Variants in NLGN1 observed in about 807,000 individuals in gnomAD.
NLGN1 encodes the protein neuroligin-1.
In NLGN1, 12 loss-of-function variants were observed where a neutral mutation model predicts 65.5. The observed-to-expected ratio is 0.18, with a 90% CI of 0.12 to 0.30. The LOEUF (loss-of-function observed/expected upper bound fraction) is 0.30, where lower values mean the gene tolerates loss of function less well. Ranked by LOEUF, NLGN1 falls within the 10% of genes least tolerant of loss-of-function variation. The probability of loss-of-function intolerance (pLI) is 1.00; values close to 1 mark genes in which losing one functional copy is unlikely to be tolerated. For missense variants in NLGN1, 750 were observed against 1,007.1 expected (o/e 0.74, Z 3.46); for synonymous variants, 350 against 359.5 (o/e 0.97, Z 0.30).
At chr3:173,923,407 C>T (rs1405594186) in intron 4 of NLGN1, among the ~76,000 whole-genome samples, 1 of 152,054 alleles carries the variant, frequency 6.6e-6, no homozygotes, top group East Asian at 1.9e-4. Flanking sequence ...AATGAATTGG[C>T]CAGAATGAAT....
chr3:173,510,965 G>A lies in NLGN1; in HGVS notation c.-321+75887G>A, dbSNP rs112983401. Reference sequence around the variant, plus strand: ...TCATACTGACTTATCTTAAATCTAGGAACCAATTCTAGCACGGACAAATGT... The same window carrying A: ...TCATACTGACTTATCTTAAATCTAGAAACCAATTCTAGCACGGACAAATGT... On this transcript the variant is annotated intron_variant, in intron 2 of 6. Coordinates refer to ENST00000457714, the Ensembl canonical transcript of NLGN1. Among the ~76,000 whole-genome samples, 788 of 152,240 alleles carry A rather than the reference G, an allele frequency of 5.2e-3. 4 individuals are homozygous for A. The highest frequency in any genetic ancestry group is 0.018 in the African/African-American group (764 of 41,540).
intron 1 of NLGN1, among the ~76,000 whole-genome samples, chr3:173,410,727 A>C (rs892190991): frequency 3.9e-5 from 6 of 152,204 alleles, no homozygotes; most frequent in Admixed American, 3.9e-4. Context: ...TACATGTTTA[A>C]ATCTCTTAAT....
intron 2 of NLGN1, among the ~76,000 whole-genome samples, chr3:173,529,976 T>TTTTTTTTTTTTTTTG (rs1409862697): frequency 6.6e-6 from 1 of 151,738 alleles, no homozygotes; most frequent in African/African-American, 2.4e-5. Flanking sequence ...CTTTTTTTTT[T>TTTTTTTTTTTTTTTG]AGATAGAGTC....
intron 4 of NLGN1, among the ~76,000 whole-genome samples, chr3:173,820,473 C>T (rs1326921479): frequency 6.6e-6 from 1 of 152,112 alleles, no homozygotes; most frequent in Non-Finnish European, 1.5e-5. Flanking sequence ...ATGCAGTAAT[C>T]CCCCCTTATC....
At chr3:174,048,914 A>G (rs986126692) in intron 4 of NLGN1, among the ~76,000 whole-genome samples, 1 of 152,048 alleles carries the variant, frequency 6.6e-6, no homozygotes, top group Non-Finnish European at 1.5e-5. Context: ...AAACTATATT[A>G]TGGGAACAAA....
chr3:173,402,661 A>T (rs542519679), intron 1 of NLGN1, among the ~76,000 whole-genome samples: 2 of 152,260 alleles, frequency 1.3e-5, no homozygotes, highest in South Asian at 4.1e-4. Flanking sequence ...ACAGAGCCAA[A>T]CATCACCTCT....
chr3:173,695,918 C>A (rs1766148858), intron 3 of NLGN1, among the ~76,000 whole-genome samples: 1 of 152,170 alleles, frequency 6.6e-6, no homozygotes, highest in African/African-American at 2.4e-5. Flanking sequence ...TTAAGCAGAT[C>A]CTCCAATGTC....
chr3:173,967,667 A>G (rs1715187868), intron 4 of NLGN1, among the ~76,000 whole-genome samples: 2 of 152,120 alleles, frequency 1.3e-5, no homozygotes, highest in African/African-American at 2.4e-5. Flanking sequence ...AAGGTCTACT[A>G]TGATTCTCAA....
chr3:173,890,588 G>A (rs1417297793), intron 4 of NLGN1, among the ~76,000 whole-genome samples: 1 of 152,164 alleles, frequency 6.6e-6, no homozygotes, highest in African/African-American at 2.4e-5. Context: ...AATACAAGGA[G>A]ATAGCATTGA....
At chr3:173,683,783 A>G (rs1325775604) in intron 3 of NLGN1, among the ~76,000 whole-genome samples, 1 of 152,176 alleles carries the variant, frequency 6.6e-6, no homozygotes, top group African/African-American at 2.4e-5. Flanking sequence ...TGGGTCAGGT[A>G]TAGTGCTTCG....
chr3:174,260,555 G>T (rs1379820607), intron 4 of NLGN1, among the ~76,000 whole-genome samples: 1 of 146,968 alleles, frequency 6.8e-6, no homozygotes, highest in Non-Finnish European at 1.5e-5. Context: ...TTGTAAATTT[G>T]TTTGAGTTCA....
chr3:173,732,947 G>A (rs1178837060), intron 3 of NLGN1, among the ~76,000 whole-genome samples: 2 of 152,010 alleles, frequency 1.3e-5, no homozygotes, highest in Non-Finnish European at 2.9e-5. Context: ...GTTAATGAGA[G>A]TATTGGTGAT....
chr3:173,712,804 T>C (rs1211113966), intron 3 of NLGN1, among the ~76,000 whole-genome samples: 3 of 148,996 alleles, frequency 2.0e-5, no homozygotes, highest in Non-Finnish European at 4.5e-5. Flanking sequence ...TAAAATTTGA[T>C]TTTTTAAAGA....
chr3:174,256,804 A>C (rs1221152492), intron 4 of NLGN1, among the ~76,000 whole-genome samples: 2 of 152,220 alleles, frequency 1.3e-5, no homozygotes, highest in Non-Finnish European at 2.9e-5. Context: ...AAACTGTAGA[A>C]ACCCTAGAAG....
At chr3:174,124,541 ATATACT>A (rs1308110650) in intron 4 of NLGN1, among the ~76,000 whole-genome samples, 44 of 147,952 alleles carry the variant, frequency 3.0e-4, no homozygotes, top group African/African-American at 8.8e-4. Context: ...ACTTATATAC[ATATACT>A]TATATATATA....
At chr3:174,174,068 C>CAT (rs766673489) in intron 4 of NLGN1, among the ~76,000 whole-genome samples, 20 of 152,074 alleles carry the variant, frequency 1.3e-4, no homozygotes, top group Non-Finnish European at 2.6e-4. Flanking sequence ...TGAGTGAGAA[C>CAT]ATATGATGTT....
At chr3:174,057,251 G>A (rs1302323704) in intron 4 of NLGN1, among the ~76,000 whole-genome samples, 4 of 151,980 alleles carry the variant, frequency 2.6e-5, no homozygotes, top group East Asian at 1.9e-4. Flanking sequence ...CATGTGACAC[G>A]GTACTGTTTT....
In NLGN1 at chr3:174,205,363, TCTTA is replaced by T. The variant is rs1414689071; in HGVS notation, c.647-69948_647-69945del. Among the ~76,000 whole-genome samples the T allele has an allele frequency of 2.0e-4, 31 of 152,066 alleles. 1 individual carries two copies. The highest frequency in any genetic ancestry group is 1.8e-3 in the Admixed American group (27 of 15,282). On this transcript the variant is annotated intron_variant, in intron 4 of 6. Transcript: ENST00000457714. ...AGATGTTTAGATTTGCATTACTCAC[TCTTA>T]CTTCAGCACCTCTTCTACACTTAGT...
At chr3:173,831,488 A>G (rs1722550586) in intron 4 of NLGN1, among the ~76,000 whole-genome samples, 1 of 152,154 alleles carries the variant, frequency 6.6e-6, no homozygotes, top group South Asian at 2.1e-4. Context: ...AAGATGACAA[A>G]CACTGGTGCA....
Sources: allele counts gnomAD v4.1 joint callset (sites outside exome capture counted in the v4.1 genomes callset), GRCh38; gene constraint gnomAD v4.1.1; transcripts MANE v1.5; gene names NCBI Gene and HGNC (gene_info 2026-07-23, HGNC 2026-07-21).